DLGAP2: variants seen among roughly 807,000 people sequenced by gnomAD.
The protein encoded by DLGAP2 is DLG associated protein 2.
Under a neutral mutation model 100.3 loss-of-function variants are expected in DLGAP2, and 26 were observed. The observed-to-expected ratio is 0.26, with a 90% confidence interval of 0.19 to 0.36. DLGAP2 has a LOEUF of 0.36. Among genes scored for constraint, DLGAP2 ranks in the 10% least tolerant of loss-of-function variants. The probability of loss-of-function intolerance (pLI) is 1.00; values close to 1 mark genes in which losing one functional copy is unlikely to be tolerated. For synonymous variants in DLGAP2, 886 were observed against 630.1 expected (o/e 1.41, Z -6.08); for missense variants, 1,858 against 1,453.2 (o/e 1.28, Z -4.53).
At chr8:1,096,170 G>T (rs1804359558) in intron 2 of DLGAP2, among the ~76,000 whole-genome samples, 1 of 152,176 alleles carries the variant, frequency 6.6e-6, no homozygotes, top group Admixed American at 6.5e-5. Context: ...TTTTCATGCT[G>T]TTCACCATGG....
At chr8:1,409,755 G>A (rs2129873123) in intron 3 of DLGAP2, among the ~76,000 whole-genome samples, 1 of 152,318 alleles carries the variant, frequency 6.6e-6, no homozygotes, top group Admixed American at 6.5e-5. Context: ...GAAAGAGGAA[G>A]GGAGGACCTC....
At chr8:1,680,516 C>G (rs1338591951) in intron 12 of DLGAP2, 5 of 152,256 alleles carry the variant, frequency 3.3e-5, no homozygotes. Flanking sequence ...ACATTTGTCT[C>G]TTAATCATCA....
rs569633632 is a variant in DLGAP2 at position 945,495 on chromosome 8, G to C, written c.73+37529G>C. 2.0e-5 allele frequency among the ~76,000 whole-genome samples: 3 copies of C among 152,276 alleles called. No homozygotes were observed. The South Asian group carries it at 6.2e-4, about 32-fold the overall frequency. Reference sequence around the variant, plus strand: ...CAGCTAGAAATACTAAACTCACGAAGAATGAGGCTGAGCCCCGGACAAGCT... The same window carrying C: ...CAGCTAGAAATACTAAACTCACGAACAATGAGGCTGAGCCCCGGACAAGCT... On this transcript the variant is annotated intron_variant, in intron 2 of 14. Coordinates refer to ENST00000637795, the MANE Select transcript of DLGAP2 (RefSeq NM_001346810.2).
chr8:1,591,624 C>T (rs1387353061), intron 6 of DLGAP2, among the ~76,000 whole-genome samples: 1 of 152,136 alleles, frequency 6.6e-6, no homozygotes, highest in Non-Finnish European at 1.5e-5. Context: ...GACCCACACC[C>T]GATACTTGTC....
At chr8:1,175,806 G>T (rs4735988) in intron 2 of DLGAP2, among the ~76,000 whole-genome samples, 76,503 of 152,062 alleles carry the variant, frequency 0.5, 20,276 homozygotes, top group Admixed American at 0.62. Context: ...TACTTATTTG[G>T]GCATGTAGTA....
intron 2 of DLGAP2, among the ~76,000 whole-genome samples, chr8:1,054,524 A>AAT (rs1439523492): frequency 6.6e-6 from 1 of 152,220 alleles, no homozygotes; most frequent in Non-Finnish European, 1.5e-5. Context: ...TGTATATTAG[A>AAT]ATATATGATA....
At chr8:1,126,889 C>T (rs531631124) in intron 2 of DLGAP2, among the ~76,000 whole-genome samples, 1 of 151,888 alleles carries the variant, frequency 6.6e-6, no homozygotes, top group Non-Finnish European at 1.5e-5. Context: ...CGGGACTGCC[C>T]TCCAGCCAGC....
At chr8:1,549,817 T>C (rs1162171171) in intron 5 of DLGAP2, 134 bp downstream of exon 5, 1 of 1,048,276 alleles carries the variant, frequency 9.5e-7, no homozygotes, top group Non-Finnish European at 1.3e-6. Context: ...GCTACGGATA[T>C]GTTCTGGGAC....
intron 4 of DLGAP2, among the ~76,000 whole-genome samples, chr8:1,512,575 C>A (rs1470579194): frequency 2.0e-5 from 3 of 152,196 alleles, no homozygotes; most frequent in African/African-American, 7.2e-5. Context: ...CACCTCACAG[C>A]AGCCTGCCGC....
chr8:802,031 C>A, intron 1 of DLGAP2, among the ~76,000 whole-genome samples: 1 of 147,894 alleles, frequency 6.8e-6, no homozygotes, highest in Non-Finnish European at 1.5e-5. Flanking sequence ...CCTCCTGGGC[C>A]CTCCATCCTC....
chr8:779,166 C>T lies in DLGAP2; in HGVS notation c.18+41341C>T, dbSNP rs185360749. On this transcript the variant is annotated intron_variant, in intron 1 of 14. Transcript: ENST00000637795. The stretch of plus-strand genomic sequence containing the variant: ...GGGAACTCCCTGACGCCTTGCGCTT[C>T]CCGAGTGAGGCAATGCCTCGCCCTG... Among the ~76,000 whole-genome samples the T allele has an allele frequency of 3.7e-4, 57 of 152,396 alleles. 1 individual carries two copies. The highest frequency in any genetic ancestry group is 2.7e-3 in the Admixed American group (41 of 15,310).
chr8:1,057,559 AT>A (rs1802919520), intron 2 of DLGAP2, among the ~76,000 whole-genome samples: 1 of 152,130 alleles, frequency 6.6e-6, no homozygotes, highest in African/African-American at 2.4e-5. Context: ...CTATCTCTTG[AT>A]TTCTTATGTC....
At chr8:1,468,246 T>C (rs1200678801) in intron 3 of DLGAP2, among the ~76,000 whole-genome samples, 1 of 136,798 alleles carries the variant, frequency 7.3e-6, no homozygotes, top group Non-Finnish European at 1.6e-5. Flanking sequence ...GTTCTGAGAA[T>C]TGTGCCCTGT....
chr8:1,308,573 T>G (rs1022519891), intron 3 of DLGAP2, among the ~76,000 whole-genome samples: 5 of 152,264 alleles, frequency 3.3e-5, no homozygotes, highest in African/African-American at 1.2e-4. Context: ...TTGCCCAGGC[T>G]GGAGTGCAGT....
chr8:1,024,565 C>T (rs931041449), intron 2 of DLGAP2, among the ~76,000 whole-genome samples: 1 of 152,214 alleles, frequency 6.6e-6, no homozygotes, highest in Non-Finnish European at 1.5e-5. Context: ...CCGCTGTGCC[C>T]TCTGTGGTGG....
At chr8:1,267,558 C>CAAAATAAAAT (rs551085463) in intron 3 of DLGAP2, among the ~76,000 whole-genome samples, 3 of 63,122 alleles carry the variant, frequency 4.8e-5, no homozygotes, top group African/African-American at 2.8e-4. Context: ...AATTCCCGCT[C>CAAAATAAAAT]AAAATAAAAT....
rs139123645 is a variant in DLGAP2 at position 1,439,361 on chromosome 8, G to A, written c.107-62005G>A. ...TGGGAGCTAGAGGTGGATAATGACA[G>A]CACAGTCATTGCCACGGTCCTGCCG... On this transcript the variant is annotated intron_variant, in intron 3 of 14. Transcript: ENST00000637795. Among the ~76,000 whole-genome samples the A allele has an allele frequency of 3.5e-3, 535 of 152,278 alleles. 4 individuals carry two copies. The highest frequency in any genetic ancestry group is 0.012 in the African/African-American group (491 of 41,570).
chr8:751,382 G>A (rs2132573822), intron 1 of DLGAP2, among the ~76,000 whole-genome samples: 1 of 152,330 alleles, frequency 6.6e-6, no homozygotes. Flanking sequence ...CCTGGTGTTT[G>A]GCTGCTGCAA....
chr8:917,115 G>T (rs534608221), intron 2 of DLGAP2, among the ~76,000 whole-genome samples: 1 of 152,302 alleles, frequency 6.6e-6, no homozygotes, highest in African/African-American at 2.4e-5. Flanking sequence ...ACATTTTCAG[G>T]AGTGAAGGGC....
Sources: allele counts gnomAD v4.1 joint callset (sites outside exome capture counted in the v4.1 genomes callset), GRCh38; gene constraint gnomAD v4.1.1; transcripts MANE v1.5; gene names NCBI Gene and HGNC (gene_info 2026-07-23, HGNC 2026-07-21).